The following CBFA2T3 variants were observed in gnomAD, a reference collection of about 807,000 sequenced individuals.
CBFA2T3 encodes the protein transcriptional corepressor CBFA2T3.
In CBFA2T3, 31 loss-of-function variants were observed where a neutral mutation model predicts 58.6. That is an observed-to-expected ratio of 0.53 (90% CI 0.40 to 0.71). CBFA2T3 has a LOEUF of 0.71. CBFA2T3 is among the 30% of genes least tolerant of loss of function. The pLI is 0.00. For synonymous variants in CBFA2T3, 531 were observed against 421.9 expected (o/e 1.26, Z -3.17); for missense variants, 1,076 against 963.1 (o/e 1.12, Z -1.55).
intron 5 of CBFA2T3, among the ~76,000 whole-genome samples, chr16:88,889,559 C>G (rs1246751035): frequency 6.6e-6 from 1 of 151,972 alleles, no homozygotes; most frequent in Non-Finnish European, 1.5e-5. Context: ...CCCTGGCGCC[C>G]TCTCTCCACT....
chr16:88,961,570 C>T (rs552932204), intron 1 of CBFA2T3, among the ~76,000 whole-genome samples: 20 of 132,596 alleles, frequency 1.5e-4, no homozygotes, highest in Admixed American at 3.6e-4. Flanking sequence ...CCATAGTAAC[C>T]GACACTCAGC....
At chr16:88,927,429 G>C (rs1376658156) in intron 1 of CBFA2T3, among the ~76,000 whole-genome samples, 1 of 152,218 alleles carries the variant, frequency 6.6e-6, no homozygotes, top group Non-Finnish European at 1.5e-5. Context: ...TGTTTTCTGG[G>C]TGTCTGAATC....
intron 2 of CBFA2T3, among the ~76,000 whole-genome samples, chr16:88,900,826 C>T (rs570479275): frequency 6.4e-4 from 97 of 152,392 alleles, no homozygotes; most frequent in African/African-American, 2.2e-3. Flanking sequence ...TGGCTGTTCC[C>T]TGCCCCACAG....
chr16:88,875,873 G>A lies in CBFA2T3; in HGVS notation c.*1103C>T, dbSNP rs536949155. 76 of 233,292 alleles carry A rather than the reference G, an allele frequency of 3.3e-4. No homozygotes were observed. Among genetic ancestry groups the A allele is most frequent in the African/African-American group, 1.5e-3 (68 of 45,424 alleles). The allele number at this position is 233,292 out of a possible 1,614,324, so 14.5% of individuals were successfully genotyped here. ...CACAGGGGGCGTGAGGACAGACGGCGTGTCCTTTCCTACACATATGGAGAC... is the reference window on the plus strand; with the variant it reads ...CACAGGGGGCGTGAGGACAGACGGCATGTCCTTTCCTACACATATGGAGAC... On this transcript the variant is annotated 3_prime_UTR_variant, in exon 12 of 12. Transcript: ENST00000268679.
intron 1 of CBFA2T3, among the ~76,000 whole-genome samples, chr16:88,904,967 C>T (rs1242071198): frequency 6.6e-6 from 1 of 152,190 alleles, no homozygotes; most frequent in African/African-American, 2.4e-5. Flanking sequence ...CCGGGACCTG[C>T]TCCTGGCGCT....
intron 1 of CBFA2T3, among the ~76,000 whole-genome samples, chr16:88,915,614 G>A (rs1447776104): frequency 2.4e-5 from 1 of 42,124 alleles, no homozygotes; most frequent in African/African-American, 1.1e-4. Context: ...GCGTAGAGGG[G>A]AGCGTGGAGG....
intron 1 of CBFA2T3, chr16:88,938,455 T>A (rs1283156622): frequency 6.6e-6 from 1 of 152,190 alleles, no homozygotes; most frequent in Non-Finnish European, 1.5e-5. Flanking sequence ...TCTCCCGGCG[T>A]CGGAGACGGG....
rs369980008 is a variant in CBFA2T3 at position 88,891,876 on chromosome 16, C to A, written c.711+6G>T. On this transcript the variant is annotated splice_donor_region_variant and intron_variant, in intron 5 of 11. Transcript: ENST00000268679. ...CCCGCAGCACGGGGGACGGGTTTCG[C>A]ATTACCTTCAGGAAGGGAATGACAA... 4 of 1,604,226 alleles carry A rather than the reference C, an allele frequency of 2.5e-6. No individual in the cohort carries two copies. The African/African-American group carries it at 4.0e-5, about 16-fold the overall frequency.
chr16:88,887,568 C>G (rs1969430455), intron 5 of CBFA2T3, among the ~76,000 whole-genome samples: 1 of 152,100 alleles, frequency 6.6e-6, no homozygotes, highest in South Asian at 2.1e-4. Context: ...GCAGAGAACC[C>G]AGGACTGGGC....
At chr16:88,949,966 G>A (rs12103116) in intron 1 of CBFA2T3, among the ~76,000 whole-genome samples, 42,971 of 151,710 alleles carry the variant, frequency 0.28, 7,094 homozygotes, top group Middle Eastern at 0.49. Context: ...CCAAAATGGT[G>A]CCACTGCACT....
intron 5 of CBFA2T3, 33 bp from the exon 6 acceptor site, chr16:88,886,175 T>C: frequency 7.5e-6 from 11 of 1,473,952 alleles, no homozygotes; most frequent in Non-Finnish European, 8.1e-6. Flanking sequence ...CTGGGTAGCA[T>C]GCAGGGGTGC....
chr16:88,898,131 G>A lies in CBFA2T3; in HGVS notation c.326C>T (p.Thr109Met), dbSNP rs757708128. 13 of 1,612,916 alleles carry A rather than the reference G, an allele frequency of 8.1e-6. No individual in the cohort carries two copies. The highest frequency in any genetic ancestry group is 2.2e-5 in the East Asian group (1 of 44,878). Residue 109 changes from threonine to methionine, a missense_variant, in exon 3 of 12, where the codon ACG becomes ATG. By Grantham distance (81) the Thr-to-Met change is moderately conservative. Coordinates refer to ENST00000268679, the MANE Select transcript of CBFA2T3 (RefSeq NM_005187.6). ...PHTHREDGPA[T>M]LPHGRFHGCL... is the part of the protein sequence containing the mutation. ...GCCATGAAAACGGCCGTGGGGCAGC[G>A]TCGCAGGCCCGTCCTCTCGATCTGT... is the stretch of plus-strand genomic sequence containing the variant.
chr16:88,946,819 T>C (rs1971916059), intron 1 of CBFA2T3, among the ~76,000 whole-genome samples: 1 of 150,954 alleles, frequency 6.6e-6, no homozygotes, highest in Non-Finnish European at 1.5e-5. Context: ...AGGGTCTCAC[T>C]CTGTCTCCCA....
chr16:88,893,280 TCCCAGCCCTGAGCAATGTGCCCCCC>T (rs1305480935), intron 3 of CBFA2T3, among the ~76,000 whole-genome samples: 2 of 124,214 alleles, frequency 1.6e-5, no homozygotes, highest in South Asian at 5.4e-4. Context: ...CACAGGCGCC[TCCCAGCCCTGAGCAATGTGCCCCCC>T]CCGACACACA....
chr16:88,926,793 G>A (rs1971098352), intron 1 of CBFA2T3, among the ~76,000 whole-genome samples: 1 of 152,230 alleles, frequency 6.6e-6, no homozygotes, highest in East Asian at 1.9e-4. Flanking sequence ...GGATTGGGCT[G>A]GTGCCTCGGT....
Position 88,876,663 on chromosome 16 carries a change from G to T in CBFA2T3, c.*313C>A. 1 of 349,438 alleles carries T rather than the reference G, an allele frequency of 2.9e-6. No individual in the cohort carries two copies. The highest frequency in any genetic ancestry group is 5.1e-6 in the Non-Finnish European group (1 of 194,538). 21.6% of individuals were successfully genotyped at this position (349,438 alleles called of 1,614,324 possible). On this transcript the variant is annotated 3_prime_UTR_variant, in exon 12 of 12. Transcript: ENST00000268679. ...AAAGAGAGGTGGGCAGAGCCGCCGC[G>T]CCTGCGGCATCTGCTCTGCTGTCTA...
At chr16:88,920,170 T>A (rs1302128373) in intron 1 of CBFA2T3, among the ~76,000 whole-genome samples, 4 of 152,208 alleles carry the variant, frequency 2.6e-5, no homozygotes, top group Non-Finnish European at 5.9e-5. Flanking sequence ...CAGTGAAGCT[T>A]GTGCAACGGT....
chr16:88,889,663 T>A (rs1969543503), intron 5 of CBFA2T3, among the ~76,000 whole-genome samples: 1 of 151,984 alleles, frequency 6.6e-6, no homozygotes, highest in Non-Finnish European at 1.5e-5. Flanking sequence ...AACAGGTCTG[T>A]GAGAGACCTT....
At chr16:88,886,805 G>C (rs915449001) in intron 5 of CBFA2T3, 5 of 152,370 alleles carry the variant, frequency 3.3e-5, no homozygotes, top group Non-Finnish European at 7.3e-5. Context: ...TCCAGCCTTG[G>C]TGAGGACGGC....
Sources: gnomAD v4.1 joint callset for allele counts (sites outside exome capture counted in the v4.1 genomes callset) on GRCh38, gnomAD v4.1.1 for gene constraint, MANE v1.5 for transcripts, NCBI Gene and HGNC (gene_info 2026-07-23, HGNC 2026-07-21) for gene names.